CIT: variants seen among roughly 807,000 people sequenced by gnomAD.
CIT encodes citron Rho-interacting kinase.
In CIT, 79 loss-of-function variants were observed where a neutral mutation model predicts 272.7. That is an observed-to-expected ratio of 0.29 (90% CI 0.24 to 0.35). The LOEUF (loss-of-function observed/expected upper bound fraction) is 0.35. CIT is among the 10% of genes least tolerant of loss of function. CIT has a pLI of 1.00. For missense variants in CIT, 1,909 were observed against 2,618.3 expected (o/e 0.73, Z 5.91); for synonymous variants, 948 against 995.6 (o/e 0.95, Z 0.90).
rs1964569416 is a variant in CIT, at chr12:119,784,342, T to C, written c.1402-291A>G. The C allele has an allele frequency of 4.4e-6, 6 of 1,359,680 alleles. No homozygotes were observed. In the South Asian group the frequency reaches 6.5e-5, roughly 15 times the overall value. 84.2% of individuals were successfully genotyped at this position (1,359,680 alleles called of 1,614,324 possible). ...AATCATCATTTTTCACCTGTTTGCT[T>C]TTGTTTTTGTTTTGTTTTTGCAGAC... is the stretch of plus-strand genomic sequence containing the variant. On this transcript the variant is annotated intron_variant, in intron 11 of 47. Transcript: ENST00000392521. The surrounding 1 kb of genome is among the most constrained non-coding windows in gnomAD (Gnocchi z 4.7).
intron 10 of CIT, among the ~76,000 whole-genome samples, chr12:119,797,665 A>G (rs1048015547): frequency 6.6e-6 from 1 of 152,218 alleles, no homozygotes; most frequent in Admixed American, 6.5e-5. Flanking sequence ...ACTCTTTCCA[A>G]TAGGGATCTA....
At chr12:119,796,655 T>C (rs1439604639) in intron 10 of CIT, among the ~76,000 whole-genome samples, 1 of 151,970 alleles carries the variant, frequency 6.6e-6, no homozygotes, top group Non-Finnish European at 1.5e-5. Flanking sequence ...CAGTGTACGA[T>C]GGGAGGAGGC....
chr12:119,774,527 G>A (rs1191402940), intron 16 of CIT, among the ~76,000 whole-genome samples: 2 of 150,046 alleles, frequency 1.3e-5, no homozygotes, highest in Non-Finnish European at 3.0e-5. Flanking sequence ...AGATCTGTTA[G>A]CTGGCTTGAC....
intron 5 of CIT, among the ~76,000 whole-genome samples, chr12:119,839,840 G>A (rs1203177054): frequency 6.6e-6 from 1 of 152,164 alleles, no homozygotes; most frequent in African/African-American, 2.4e-5. Context: ...AACAGAAGAG[G>A]ACCAGATACC....
chr12:119,860,597 A>G (rs1254556240), intron 3 of CIT, among the ~76,000 whole-genome samples: 1 of 152,162 alleles, frequency 6.6e-6, no homozygotes, highest in African/African-American at 2.4e-5. Context: ...TTGTTTACAA[A>G]GTTGCTTAAA....
chr12:119,759,146 C>T (rs1961408459), intron 20 of CIT, among the ~76,000 whole-genome samples: 1 of 152,208 alleles, frequency 6.6e-6, no homozygotes, highest in African/African-American at 2.4e-5. Flanking sequence ...GGGTCTCCAA[C>T]CCCAGGGCCA....
intron 7 of CIT, among the ~76,000 whole-genome samples, chr12:119,828,454 G>T (rs1417880188): frequency 6.6e-6 from 1 of 151,556 alleles, no homozygotes; most frequent in Non-Finnish European, 1.5e-5. Flanking sequence ...CTCTCCTCTG[G>T]TGGCAATTCA....
chr12:119,773,247 C>T (rs1353174293), intron 16 of CIT, among the ~76,000 whole-genome samples: 1 of 151,974 alleles, frequency 6.6e-6, no homozygotes, highest in Non-Finnish European at 1.5e-5. Flanking sequence ...TTAGCATCTT[C>T]GATTCGATGC....
At chr12:119,722,600 C>T (rs958252824) in intron 28 of CIT, among the ~76,000 whole-genome samples, 3 of 152,224 alleles carry the variant, frequency 2.0e-5, no homozygotes, top group African/African-American at 7.2e-5. Flanking sequence ...TGGATTCTTA[C>T]AGACCCTGGT....
intron 9 of CIT, among the ~76,000 whole-genome samples, chr12:119,815,434 C>T (rs1020040468): frequency 6.6e-6 from 1 of 152,034 alleles, no homozygotes; most frequent in African/African-American, 2.4e-5. Context: ...TGGCCAGGTG[C>T]GGTGGCTCAC....
chr12:119,744,875 A>G (rs1262208768), intron 23 of CIT, among the ~76,000 whole-genome samples: 2 of 152,158 alleles, frequency 1.3e-5, no homozygotes, highest in Non-Finnish European at 2.9e-5. Flanking sequence ...GAAGACAAGT[A>G]GAAACAAAGA....
rs534127458 is a variant in CIT at position 119,694,288 on chromosome 12, C to T, written c.5882+3371G>A. On this transcript the variant is annotated intron_variant, in intron 46 of 47. Coordinates refer to ENST00000392521, the MANE Select transcript of CIT (RefSeq NM_001206999.2). The surrounding 1 kb of genome is among the most constrained non-coding windows in gnomAD (Gnocchi z 4.5). ...ATAGATTCCTCAGCATGTAAAATGA[C>T]GTAAGGAGAAAGTCATTTATTGCAG... 4.6e-5 allele frequency among the ~76,000 whole-genome samples: 7 copies of T among 152,156 alleles called. No homozygotes were observed. Among genetic ancestry groups the T allele is most frequent in the Non-Finnish European group, 7.4e-5 (5 of 68,012 alleles).
chr12:119,786,816 C>G (rs1964833306), intron 10 of CIT, among the ~76,000 whole-genome samples: 2 of 152,222 alleles, frequency 1.3e-5, no homozygotes, highest in Admixed American at 6.5e-5. Flanking sequence ...CGCCCAGCAT[C>G]ATGCTCCTCT....
chr12:119,844,905 G>A (rs1258660855), intron 5 of CIT, among the ~76,000 whole-genome samples: 3 of 152,246 alleles, frequency 2.0e-5, no homozygotes, highest in Non-Finnish European at 4.4e-5. Context: ...CGGATCATGA[G>A]GTCAGAAGAT....
At chr12:119,760,877 G>T in intron 20 of CIT, 62 bp downstream of exon 20, 1 of 1,040,192 alleles carries the variant, frequency 9.6e-7, no homozygotes, top group Non-Finnish European at 1.5e-6. Context: ...TATCAGGGGT[G>T]ATTCTTGGCA....
intron 9 of CIT, among the ~76,000 whole-genome samples, chr12:119,810,936 G>C (rs1038092988): frequency 6.6e-6 from 1 of 152,160 alleles, no homozygotes; most frequent in African/African-American, 2.4e-5. Context: ...CAAGAGAACA[G>C]ATTACATTGC....
intron 13 of CIT, among the ~76,000 whole-genome samples, chr12:119,780,367 T>C (rs551029457): frequency 9.9e-5 from 15 of 152,156 alleles, no homozygotes; most frequent in African/African-American, 3.1e-4. Flanking sequence ...GCCTGTAATC[T>C]CAGCACTTTG....
intron 7 of CIT, among the ~76,000 whole-genome samples, chr12:119,830,044 T>C (rs1014422073): frequency 2.0e-5 from 3 of 151,398 alleles, no homozygotes; most frequent in Non-Finnish European, 4.4e-5. Context: ...AAAGGAAATA[T>C]GTTTAACCCA....
intron 4 of CIT, among the ~76,000 whole-genome samples, chr12:119,852,292 A>G (rs767163894): frequency 2.6e-5 from 4 of 152,216 alleles, no homozygotes; most frequent in Non-Finnish European, 5.9e-5. Context: ...CTGGCCTATA[A>G]TCATCAGAAT....
Sources: allele counts gnomAD v4.1 joint callset (sites outside exome capture counted in the v4.1 genomes callset), GRCh38; gene constraint gnomAD v4.1.1; non-coding constraint Gnocchi (gnomAD v3.1); transcripts MANE v1.5; gene names NCBI Gene and HGNC (gene_info 2026-07-23, HGNC 2026-07-21).